Variants in HYAL1 observed in about 807,000 individuals in gnomAD.
HYAL1 encodes hyaluronidase-1.
HYAL1 carries 21 observed loss-of-function variants against 28.8 expected under a neutral mutation model. The ratio of observed to expected loss-of-function variants is 0.73; its 90% CI spans 0.52 to 1.05. The LOEUF (loss-of-function observed/expected upper bound fraction) is 1.05, where lower values mean the gene tolerates loss of function less well. Ranked by LOEUF, HYAL1 falls within the 50% of genes least tolerant of loss-of-function variation. The pLI is 0.00. For missense variants in HYAL1, 491 were observed against 579.2 expected (o/e 0.85, Z 1.56); for synonymous variants, 200 against 230.1 (o/e 0.87, Z 1.18).
chr3:50,305,082 T>C (rs1702308513), upstream of HYAL1, among the ~76,000 whole-genome samples: 1 of 152,234 alleles, frequency 6.6e-6, no homozygotes, highest in South Asian at 2.1e-4. Context: ...CATAGATGCA[T>C]ATTATGATTG....
upstream of HYAL1, among the ~76,000 whole-genome samples, chr3:50,306,352 T>C (rs1702335652): frequency 1.3e-5 from 2 of 148,866 alleles, no homozygotes; most frequent in South Asian, 2.3e-4. Flanking sequence ...GGAAAATTAG[T>C]TTTTTTTTCC....
chr3:50,301,038 C>T lies in HYAL1; in HGVS notation c.940G>A (p.Gly314Arg), dbSNP rs782138855. ...ACCCAGAGCACCACTCCAGCTGCCCCCTGGGCCGCACTCTCCCCCAGGCTG... is the reference window on the plus strand; with the variant it reads ...ACCCAGAGCACCACTCCAGCTGCCCTCTGGGCCGCACTCTCCCCCAGGCTG... Reference protein sequence around the residue: ...EHSLGESAAQGAAGVVLWVSW... With the variant: ...EHSLGESAAQRAAGVVLWVSW... The change falls in exon 3 of 4, where the codon GGG becomes AGG. Residue 314 changes from glycine to arginine, a missense_variant. Physicochemically the swap from Gly to Arg is moderately radical, Grantham distance 125. Transcript: ENST00000395144. 17 of 1,613,210 alleles carry T rather than the reference C, an allele frequency of 1.1e-5. No homozygotes were observed. The highest frequency in any genetic ancestry group is 1.4e-5 in the Non-Finnish European group (17 of 1,179,774).
At chr3:50,304,502 G>A (rs1330592719), upstream of HYAL1, among the ~76,000 whole-genome samples, 15 of 149,834 alleles carry the variant, frequency 1.0e-4, no homozygotes, top group African/African-American at 3.4e-4. Context: ...TTGGGACACT[G>A]AGGCAGGAGG....
intron 1 of HYAL1, among the ~76,000 whole-genome samples, chr3:50,310,364 C>T (rs1702421168): frequency 6.7e-6 from 1 of 148,708 alleles, no homozygotes; most frequent in Admixed American, 6.6e-5. Context: ...CTCAGGTTCA[C>T]GCCATTCTCC....
chr3:50,309,461 CAAAAAAAAAAA>C (rs59958240), intron 2 of HYAL1, among the ~76,000 whole-genome samples: 1 of 60,918 alleles, frequency 1.6e-5, no homozygotes, highest in African/African-American at 6.1e-5. Flanking sequence ...CAGACTCCAC[CAAAAAAAAAAA>C]AAAAAAAAAG....
At chr3:50,303,126 G>A (rs1487960427) in intron 1 of HYAL1, 146 bp from the exon 2 acceptor site, 2 of 655,152 alleles carry the variant, frequency 3.1e-6, no homozygotes, top group African/African-American at 1.8e-5. Context: ...CAGGAGGGCA[G>A]GGGAGACGCA....
chr3:50,300,268 A>G lies in HYAL1; in HGVS notation c.*215T>C. 1 of 612,782 alleles carries G rather than the reference A, an allele frequency of 1.6e-6. No individual in the cohort carries two copies. Among genetic ancestry groups the G allele is most frequent in the East Asian group, 2.8e-5 (1 of 35,160 alleles). The allele number at this position is 612,782 out of a possible 1,614,324, so 38.0% of individuals were successfully genotyped here. ...CCTTGCCAAGTAGATGCATATGGAC[A>G]TGGAATGAATGGTGTCTGCTGTGGT... On this transcript the variant is annotated 3_prime_UTR_variant, in exon 4 of 4. Coordinates refer to ENST00000395144, the MANE Select transcript of HYAL1 (RefSeq NM_033159.4).
In HYAL1 at chr3:50,302,174, A is replaced by G. The variant is rs2109306923; in HGVS notation, c.783T>C (p.Tyr261=). ...VLEGTGKSQM[Y]VQHRVAEAFR... ...ATGCCTCGGCCACACGGTGTTGCAC[A>G]TACATCTGTGACTTCCCTGTGCCCT... Residue 261 remains tyrosine (Y), a synonymous_variant, in exon 2 of 4, where the codon TAT becomes TAC. Transcript: ENST00000395144. This position sits in a 1 kb window ranked among gnomAD's most constrained non-coding sequence, Gnocchi z 5.0. The G allele has an allele frequency of 6.2e-7, 1 of 1,614,216 alleles. No individual in the cohort carries two copies. The highest frequency in any genetic ancestry group is 8.5e-7 in the Non-Finnish European group (1 of 1,180,034).
intron 2 of HYAL1, among the ~76,000 whole-genome samples, chr3:50,301,430 A>G (rs1169304847): frequency 6.6e-6 from 1 of 151,854 alleles, no homozygotes; most frequent in Non-Finnish European, 1.5e-5. Context: ...AGCCTGGCCA[A>G]CATGGTGAAA....
In HYAL1 at chr3:50,301,674, C is replaced by T. The variant is rs1055411843; in HGVS notation, c.900+383G>A. On this transcript the variant is annotated intron_variant, in intron 2 of 3. Transcript: ENST00000395144. Reference sequence around the variant, plus strand: ...ATGAAAATGTCCCAAGGTTGGGGGCCGGGCGCGGTGGCTCACGCCTGTAAT... The same window carrying T: ...ATGAAAATGTCCCAAGGTTGGGGGCTGGGCGCGGTGGCTCACGCCTGTAAT... Among the ~76,000 whole-genome samples the T allele has an allele frequency of 1.0e-4, 15 of 150,362 alleles. No homozygotes were observed. In the South Asian group the frequency reaches 2.5e-3, roughly 25 times the overall value.
At chr3:50,311,516 C>T (rs1312603204) in intron 1 of HYAL1, among the ~76,000 whole-genome samples, 16 of 119,952 alleles carry the variant, frequency 1.3e-4, no homozygotes, top group East Asian at 5.8e-4. Context: ...CCAGTAGGGG[C>T]GGCCGGGCAG....
chr3:50,302,687 C>G lies in HYAL1; in HGVS notation c.270G>C (p.Glu90Asp), dbSNP rs74342080. ...TCTGGGGCAGACCACCAAACACAGG[C>G]TCCCCAGTGGGCGTGTAGTAGGGGT... is the stretch of plus-strand genomic sequence containing the variant. Reference protein sequence around the residue: ...GTYPYYTPTGEPVFGGLPQNA... With the variant: ...GTYPYYTPTGDPVFGGLPQNA... Residue 90 changes from glutamate to aspartate, a missense_variant, in exon 2 of 4, where the codon GAG becomes GAC. Coordinates refer to ENST00000395144, the MANE Select transcript of HYAL1 (RefSeq NM_033159.4). This position sits in a 1 kb window ranked among gnomAD's most constrained non-coding sequence, Gnocchi z 5.0. 1.8e-3 allele frequency: 2,955 copies of G among 1,614,088 alleles called. 42 individuals are homozygous for G. The African/African-American group carries it at 0.036, about 19-fold the overall frequency.
chr3:50,304,296 A>AAATATATATATATAT (rs1553713686), upstream of HYAL1, among the ~76,000 whole-genome samples: 1 of 30,478 alleles, frequency 3.3e-5, no homozygotes, highest in Non-Finnish European at 6.1e-5. Context: ...AAAAAAAAAA[A>AAATATATATATATAT]ATATATATAT....
chr3:50,305,182 TG>T (rs1216936244), upstream of HYAL1, among the ~76,000 whole-genome samples: 1 of 152,142 alleles, frequency 6.6e-6, no homozygotes, highest in African/African-American at 2.4e-5. Context: ...AAGCCCCCAG[TG>T]GGGGGCCGTG....
At chr3:50,305,775 C>T (rs1688349282), upstream of HYAL1, among the ~76,000 whole-genome samples, 1 of 151,236 alleles carries the variant, frequency 6.6e-6, no homozygotes, top group African/African-American at 2.5e-5. Flanking sequence ...ACCTTGTGAT[C>T]TGCCCACCTT....
rs1011385276 is a variant in HYAL1, at chr3:50,299,993, A to T, written c.*490T>A. The T allele has an allele frequency of 8.8e-6, 2 of 227,802 alleles. No individual in the cohort carries two copies. The highest frequency in any genetic ancestry group is 4.5e-5 in the African/African-American group (2 of 44,196). 14.1% of individuals were successfully genotyped at this position (227,802 alleles called of 1,614,324 possible). On this transcript the variant is annotated 3_prime_UTR_variant, in exon 4 of 4. Transcript: ENST00000395144. ...AACTCAGTAGGAGTGCAAGGGCTGT[A>T]CCCCCGGAGCTAGACAGCCTGGGTT... is the stretch of plus-strand genomic sequence containing the variant.
In HYAL1 at chr3:50,311,909, C is replaced by A. The variant is rs1262471499; in HGVS notation, c.-310+355G>T. Among the ~76,000 whole-genome samples the A allele has an allele frequency of 7.7e-4, 111 of 144,968 alleles. 1 individual carries two copies. Among genetic ancestry groups the A allele is most frequent in the Non-Finnish European group, 1.4e-3 (93 of 66,432 alleles). The stretch of plus-strand genomic sequence containing the variant: ...CGGGCGGGGGGCTGATCCCCCCTCC[C>A]CTCACGGATGGGGTGGCTGGCCGGC... On this transcript the variant is annotated intron_variant, in intron 1 of 5. Coordinates refer to the HYAL1 transcript ENST00000320295.
Position 50,300,625 on chromosome 3 carries a change from A to T in HYAL1, c.1166T>A (p.Ile389Asn), listed in dbSNP as rs1156794411. 1 of 1,614,026 alleles carries T rather than the reference A, an allele frequency of 6.2e-7. No homozygotes were observed. The highest frequency in any genetic ancestry group is 2.2e-5 in the East Asian group (1 of 44,900). The change falls in exon 4 of 4, where the codon ATC becomes AAC. Residue 389 changes from isoleucine to asparagine, a missense_variant. By Grantham distance (149) the Ile-to-Asn change is moderately radical. Coordinates refer to ENST00000395144, the MANE Select transcript of HYAL1 (RefSeq NM_033159.4). ...LLLLNPASFS[I>N]QLTPGGGPLS... ...GGGCCCACCACCAGGCGTGAGCTGG[A>T]TGGAGAAACTGGCAGGGTTAAGGAG... is the stretch of plus-strand genomic sequence containing the variant.
intron 3 of HYAL1, 49 bp downstream of exon 3, chr3:50,300,939 T>TGGGGGGGGGGGGGG: frequency 1.4e-5 from 13 of 959,310 alleles, no homozygotes; most frequent in Non-Finnish European, 1.7e-5. Flanking sequence ...GTCAGCTTAA[T>TGGGGGGGGGGGGGG]GGCCCCACCC....
Sources: allele counts gnomAD v4.1 joint callset (sites outside exome capture counted in the v4.1 genomes callset), GRCh38; gene constraint gnomAD v4.1.1; non-coding constraint Gnocchi (gnomAD v3.1); transcripts MANE v1.5; gene names NCBI Gene and HGNC (gene_info 2026-07-23, HGNC 2026-07-21).